Variants in MDK observed in about 807,000 individuals in gnomAD.
The protein encoded by MDK is midkine, also known as amphiregulin-associated protein.
Under a neutral mutation model 18.9 loss-of-function variants are expected in MDK, and 17 were observed. The ratio of observed to expected loss-of-function variants is 0.90; its 90% CI spans 0.62 to 1.35. MDK has a LOEUF of 1.35. MDK is among the 40% of genes most tolerant of loss of function. The pLI is 0.00. For missense variants in MDK, 180 were observed against 186.3 expected (o/e 0.97, Z 0.20); for synonymous variants, 86 against 74.3 (o/e 1.16, Z -0.81).
chr11:46,383,147 A>T (rs992793816), intron 4 of MDK: 1 of 411,290 alleles, frequency 2.4e-6, no homozygotes, highest in African/African-American at 2.0e-5. Flanking sequence ...CTCGTGACTC[A>T]GCCCAGCGAG....
In MDK at chr11:46,382,328, C is replaced by A. The variant is rs1312265178; in HGVS notation, c.111C>A (p.Cys37Ter). The A allele has an allele frequency of 6.2e-7, 1 of 1,607,916 alleles. No homozygotes were observed. Among genetic ancestry groups the A allele is most frequent in the African/African-American group, 1.3e-5 (1 of 74,838 alleles). The change falls in exon 3 of 5, where the codon TGC becomes TGA. Residue 37 changes from cysteine to a stop codon, truncating the protein, a stop_gained. Transcript: ENST00000395566. LOFTEE classifies it high-confidence loss of function. ...KVKKGGPGSE[C>*]AEWAWGPCTP... ...AGAAGGGCGGCCCGGGGAGCGAGTGCGCTGAGTGGGCCTGGGGGCCCTGCA... is the reference window on the plus strand; with the variant it reads ...AGAAGGGCGGCCCGGGGAGCGAGTGAGCTGAGTGGGCCTGGGGGCCCTGCA...
At chr11:46,381,571 G>C (rs1356041420), upstream of MDK, 22 of 142,466 alleles carry the variant, frequency 1.5e-4, no homozygotes, top group African/African-American at 5.7e-4. Context: ...GGGCGGGGAC[G>C]CCGGGGTCGG....
intron 1 of MDK, 67 bp from the exon 2 acceptor site, chr11:46,381,990 G>C: frequency 6.7e-7 from 1 of 1,498,686 alleles, no homozygotes. Flanking sequence ...AGGTGGGAGG[G>C]CCCTGCACGC....
intron 4 of MDK, 42 bp downstream of exon 4, chr11:46,382,790 G>GGGGGGGGGGGGGCCCCCC: frequency 1.0e-6 from 1 of 985,982 alleles, no homozygotes; most frequent in Non-Finnish European, 1.3e-6. Flanking sequence ...GCGGGGGGCT[G>GGGGGGGGGGGGGCCCCCC]CCCCCCCCCC....
At chr11:46,381,137 C>G (rs1234048843), upstream of MDK, 2 of 152,414 alleles carry the variant, frequency 1.3e-5, no homozygotes, top group Admixed American at 1.3e-4. Context: ...CAGACTCCCC[C>G]CAGCACAGCA....
Position 46,382,623 on chromosome 11 carries a change from G to A in MDK, c.281G>A (p.Cys94Tyr). ...TACAAGTTTGAGAACTGGGGTGCGT[G>A]TGATGGGGGCACAGGCACCAAAGTC... Reference protein sequence around the residue: ...CKYKFENWGACDGGTGTKVRQ... With the variant: ...CKYKFENWGAYDGGTGTKVRQ... Residue 94 changes from cysteine to tyrosine, a missense_variant, in exon 4 of 5, where the codon TGT becomes TAT. Transcript: ENST00000395566. 1 of 1,612,686 alleles carries A rather than the reference G, an allele frequency of 6.2e-7. No individual in the cohort carries two copies. Among genetic ancestry groups the A allele is most frequent in the Non-Finnish European group, 8.5e-7 (1 of 1,179,762 alleles).
At chr11:46,382,841 T>A in intron 4 of MDK, 93 bp downstream of exon 4, 3 of 1,419,094 alleles carry the variant, frequency 2.1e-6, no homozygotes, top group Non-Finnish European at 2.9e-6. Flanking sequence ...AAACCTTAAG[T>A]TTTGAGTCCT....
intron 4 of MDK, 42 bp downstream of exon 4, chr11:46,382,790 G>GGGGGCCCCCCC: frequency 1.0e-6 from 1 of 985,982 alleles, no homozygotes; most frequent in Non-Finnish European, 1.3e-6. Flanking sequence ...GCGGGGGGCT[G>GGGGGCCCCCCC]CCCCCCCCCC....
rs767061443 is a variant in MDK at position 46,382,696 on chromosome 11, G to A, written c.354G>A (p.Glu118=). 5.6e-6 allele frequency: 9 copies of A among 1,610,050 alleles called. No homozygotes were observed. The highest frequency in any genetic ancestry group is 1.1e-5 in the South Asian group (1 of 90,928). The change falls in exon 4 of 5, where the codon GAG becomes GAA. Residue 118 remains glutamate, a synonymous_variant. Transcript: ENST00000395566. ...CGCGCTACAATGCTCAGTGCCAGGA[G>A]ACCATCCGCGTCACCAAGCCCTGCA... ...KKARYNAQCQ[E]TIRVTKPCTP... is the part of the protein sequence containing the mutation.
chr11:46,381,491 G>C (rs1945161995), upstream of MDK, among the ~76,000 whole-genome samples: 2 of 151,262 alleles, frequency 1.3e-5, no homozygotes, highest in South Asian at 4.2e-4. Context: ...CACCGGCGGG[G>C]AGACGCGAGG....
rs1259416270 is a variant in MDK at position 46,382,650 on chromosome 11, G to T, written c.308G>T (p.Arg103Leu). 1.2e-6 allele frequency: 2 copies of T among 1,612,910 alleles called. No individual in the cohort carries two copies. Among genetic ancestry groups the T allele is most frequent in the Admixed American group, 1.7e-5 (1 of 59,948 alleles). ...GATGGGGGCACAGGCACCAAAGTCC[G>T]CCAAGGCACCCTGAAGAAGGCGCGC... ...ACDGGTGTKV[R>L]QGTLKKARYN... Residue 103 changes from arginine to leucine, a missense_variant, in exon 4 of 5, where the codon CGC (arginine) becomes CTC (leucine). Physicochemically the swap from Arg to Leu is moderately radical, Grantham distance 102 (BLOSUM62 -2). Coordinates refer to ENST00000395566, the MANE Select transcript of MDK (RefSeq NM_002391.6).
chr11:46,381,908 G>A (rs1349607636), intron 1 of MDK, 149 bp from the exon 2 acceptor site: 4 of 783,118 alleles, frequency 5.1e-6, no homozygotes, highest in Non-Finnish European at 8.0e-6. Flanking sequence ...TAGCGGCGAG[G>A]GGCCGCCCCA....
chr11:46,382,227 A>G, intron 2 of MDK, 67 bp from the exon 3 acceptor site: 2 of 1,603,886 alleles, frequency 1.2e-6, no homozygotes, highest in Non-Finnish European at 1.7e-6. Flanking sequence ...CTGGAACCCC[A>G]GGAAGGCGGC....
intron 4 of MDK, chr11:46,383,092 T>G: frequency 4.6e-6 from 2 of 433,854 alleles, no homozygotes; most frequent in South Asian, 2.4e-5. Flanking sequence ...CTGCCCTTTC[T>G]AGTGTTGGGA....
intron 1 of MDK, 146 bp downstream of exon 1, chr11:46,381,904 C>A (rs868157756): frequency 3.3e-5 from 25 of 753,992 alleles, no homozygotes; most frequent in Middle Eastern, 3.9e-4. Context: ...GGGCTAGCGG[C>A]GAGGGGCCGC....
chr11:46,383,585 T>G lies in MDK; in HGVS notation c.*91T>G, dbSNP rs1003751040. On this transcript the variant is annotated 3_prime_UTR_variant, in exon 5 of 5. Transcript: ENST00000395566. ...CCAGGCCCGAGATGTGACCCACCAG[T>G]GCCTTCTGTCTGCTCGTTAGCTTTA... 3 of 1,156,300 alleles carry G rather than the reference T, an allele frequency of 2.6e-6. No homozygotes were observed. The highest frequency in any genetic ancestry group is 3.9e-6 in the Non-Finnish European group (3 of 767,712). The allele number at this position is 1,156,300 out of a possible 1,614,324, so 71.6% of individuals were successfully genotyped here. A position where few individuals can be genotyped will look rare whatever the true frequency, so the allele number is the denominator to read the frequency against.
At chr11:46,382,790 G>GGGGGC in intron 4 of MDK, 42 bp downstream of exon 4, 433 of 986,652 alleles carry the variant, frequency 4.4e-4, no homozygotes, top group East Asian at 1.0e-3. Context: ...GCGGGGGGCT[G>GGGGGC]CCCCCCCCCC....
rs745326945 is a variant in MDK at position 46,382,598 on chromosome 11, T to C, written c.256T>C (p.Tyr86His). The C allele has an allele frequency of 6.2e-7, 1 of 1,611,098 alleles. No individual in the cohort carries two copies. The highest frequency in any genetic ancestry group is 8.5e-7 in the Non-Finnish European group (1 of 1,178,974). ...WKKEFGADCK[Y>H]KFENWGACDG... ...CGCTCTCTCGCCAGCCGACTGCAAG[T>C]ACAAGTTTGAGAACTGGGGTGCGTG... Residue 86 changes from tyrosine (Y) to histidine (H), a missense_variant, in exon 4 of 5, where the codon TAC becomes CAC. Transcript: ENST00000395566.
intron 4 of MDK, 42 bp downstream of exon 4, chr11:46,382,790 G>GGGGGGGGGGGCCC (rs1945254785): frequency 2.8e-5 from 28 of 987,026 alleles, no homozygotes; most frequent in East Asian, 1.1e-4. Context: ...GCGGGGGGCT[G>GGGGGGGGGGGCCC]CCCCCCCCCC....
Sources: gnomAD v4.1 joint callset for allele counts (sites outside exome capture counted in the v4.1 genomes callset) on GRCh38, gnomAD v4.1.1 for gene constraint, MANE v1.5 for transcripts, NCBI Gene and HGNC (gene_info 2026-07-23, HGNC 2026-07-21) for gene names.